PTDSS1: variants seen among roughly 807,000 people sequenced by gnomAD.
The protein encoded by PTDSS1 is PSS-1.
A neutral mutation model predicts 70.5 loss-of-function variants in PTDSS1; 45 were observed. The ratio of observed to expected loss-of-function variants is 0.64; its 90% confidence interval spans 0.50 to 0.82. PTDSS1 has a LOEUF of 0.82. PTDSS1 is among the 40% of genes least tolerant of loss of function. The pLI, the probability that PTDSS1 is intolerant of heterozygous loss-of-function variation, is 0.00. For synonymous variants in PTDSS1, 188 were observed against 203.8 expected (o/e 0.92, Z 0.66); for missense variants, 417 against 586.1 (o/e 0.71, Z 2.98).
At chr8:96,312,990 T>C (rs986537174) in intron 9 of PTDSS1, among the ~76,000 whole-genome samples, 3 of 152,210 alleles carry the variant, frequency 2.0e-5, no homozygotes, top group East Asian at 1.9e-4. Flanking sequence ...TCTCAGACTT[T>C]GGTAAGGTGG....
At chr8:96,305,136 C>A (rs1811104487) in intron 7 of PTDSS1, among the ~76,000 whole-genome samples, 1 of 152,154 alleles carries the variant, frequency 6.6e-6, no homozygotes, top group African/African-American at 2.4e-5. Context: ...TCACGGAAAG[C>A]AGAAGCTTTC....
intron 1 of PTDSS1, among the ~76,000 whole-genome samples, chr8:96,265,888 C>T (rs572568399): frequency 2.0e-5 from 3 of 152,316 alleles, no homozygotes; most frequent in East Asian, 1.9e-4. Context: ...GGCCAAGAGT[C>T]CAAGACCAAC....
At chr8:96,330,936 G>C in intron 11 of PTDSS1, 90 bp from the exon 12 acceptor site, 2 of 1,082,474 alleles carry the variant, frequency 1.8e-6, no homozygotes, top group South Asian at 2.7e-5. Flanking sequence ...GCCTGGGAGA[G>C]GCAGGGATGC....
Position 96,261,907 on chromosome 8 carries a change from T to C in PTDSS1, c.-134T>C. ...GCCCTCTCGCGCCTGTCCTTCCCTC[T>C]GCTCCCAGCCTTTGCTGGGCGCCAG... On this transcript the variant is annotated 5_prime_UTR_variant, in exon 1 of 13. Coordinates refer to ENST00000517309, the MANE Select transcript of PTDSS1 (RefSeq NM_014754.3). 1 of 967,272 alleles carries C rather than the reference T, an allele frequency of 1.0e-6. No homozygotes were observed. Among genetic ancestry groups the C allele is most frequent in the Admixed American group, 2.9e-5 (1 of 34,880 alleles). 59.9% of individuals were successfully genotyped at this position (967,272 alleles called of 1,614,324 possible).
rs576359116 is a variant in PTDSS1, at chr8:96,270,558, T to C, written c.180-2741T>C. Among the ~76,000 whole-genome samples the C allele has an allele frequency of 2.6e-5, 4 of 152,290 alleles. No individual in the cohort carries two copies. The South Asian group carries it at 8.3e-4, about 32-fold the overall frequency. ...TGTTCTAAATGAGGTGGGGACACCC[T>C]CTCTGCTCTCGAAACTCACAGTAGA... On this transcript the variant is annotated intron_variant, in intron 1 of 12. Transcript: ENST00000517309.
At chr8:96,286,965 G>C in intron 3 of PTDSS1, 57 bp from the exon 4 acceptor site, 6 of 1,601,164 alleles carry the variant, frequency 3.7e-6, no homozygotes, top group Non-Finnish European at 5.1e-6. Context: ...AATGTGTATT[G>C]TGTGTGTCTG....
At chr8:96,322,590 A>C (rs1338391162) in intron 10 of PTDSS1, among the ~76,000 whole-genome samples, 1 of 151,994 alleles carries the variant, frequency 6.6e-6, no homozygotes, top group African/African-American at 2.4e-5. Context: ...TAAAGGCCCC[A>C]CCTCCCAATA....
At chr8:96,296,418 G>A (rs971794586) in intron 5 of PTDSS1, among the ~76,000 whole-genome samples, 7 of 152,092 alleles carry the variant, frequency 4.6e-5, no homozygotes, top group East Asian at 3.9e-4. Flanking sequence ...GATTACAGGC[G>A]TGAGCCACTG....
intron 1 of PTDSS1, 106 bp from the exon 2 acceptor site, chr8:96,273,193 A>G (rs1810590573): frequency 2.8e-6 from 2 of 703,766 alleles, no homozygotes; most frequent in Non-Finnish European, 4.7e-6. Context: ...CAATCCTGTC[A>G]TACATCTGGC....
intron 2 of PTDSS1, 29 bp downstream of exon 2, chr8:96,273,419 C>G: frequency 6.6e-7 from 1 of 1,518,126 alleles, no homozygotes; most frequent in South Asian, 1.2e-5. Context: ...TACCACATTT[C>G]TCCTATATTG....
chr8:96,315,771 A>G (rs760831524), intron 9 of PTDSS1, among the ~76,000 whole-genome samples: 1 of 152,166 alleles, frequency 6.6e-6, no homozygotes, highest in Non-Finnish European at 1.5e-5. Context: ...GGATGGCATC[A>G]AAGGGAGTGG....
At chr8:96,294,449 A>C (rs940134296) in intron 4 of PTDSS1, among the ~76,000 whole-genome samples, 5 of 152,210 alleles carry the variant, frequency 3.3e-5, no homozygotes, top group Non-Finnish European at 5.9e-5. Context: ...ATAATCAAAA[A>C]CAAAGATATT....
intron 9 of PTDSS1, among the ~76,000 whole-genome samples, chr8:96,312,204 A>G (rs1811222515): frequency 6.6e-6 from 1 of 152,210 alleles, no homozygotes. Flanking sequence ...TAATCTCAGC[A>G]ATCCAGGAGG....
intron 11 of PTDSS1, chr8:96,330,697 T>C (rs994618269): frequency 5.3e-6 from 2 of 375,440 alleles, no homozygotes; most frequent in African/African-American, 4.1e-5. Flanking sequence ...GAGGATACCA[T>C]AGAAAATAGA....
At chr8:96,315,085 A>G (rs935763288) in intron 9 of PTDSS1, among the ~76,000 whole-genome samples, 52 of 152,178 alleles carry the variant, frequency 3.4e-4, no homozygotes, top group African/African-American at 9.4e-4. Context: ...TAGGAATTGT[A>G]TCTATTGTTT....
intron 4 of PTDSS1, among the ~76,000 whole-genome samples, chr8:96,288,525 C>T (rs890145419): frequency 4.0e-5 from 6 of 151,750 alleles, no homozygotes; most frequent in African/African-American, 1.5e-4. Context: ...GTGGTCTCAC[C>T]ACGTTGGCCA....
chr8:96,265,618 C>G (rs1363551450), intron 1 of PTDSS1, among the ~76,000 whole-genome samples: 1 of 151,820 alleles, frequency 6.6e-6, no homozygotes, highest in Non-Finnish European at 1.5e-5. Context: ...CAAAACAAAA[C>G]AAAAATTAGC....
rs200369557 is a variant in PTDSS1 at position 96,299,674 on chromosome 8, T to G, written c.601-20T>G. Reference sequence around the variant, plus strand: ...CCAGTTTTGTTTATTTTTCCAACCATGGGCTCTTGTGTTTCTCAGCTCTTC... The same window carrying G: ...CCAGTTTTGTTTATTTTTCCAACCAGGGGCTCTTGTGTTTCTCAGCTCTTC... On this transcript the variant is annotated intron_variant, in intron 5 of 12. Coordinates refer to ENST00000517309, the MANE Select transcript of PTDSS1 (RefSeq NM_014754.3). 160 of 1,589,416 alleles carry G rather than the reference T, an allele frequency of 1.0e-4. 1 individual carries two copies. In the East Asian group the frequency reaches 3.5e-3, roughly 35 times the overall value.
Position 96,320,321 on chromosome 8 carries a change from T to G in PTDSS1, c.1149T>G (p.Tyr383Ter). The change falls in exon 10 of 13, where the codon TAT becomes TAG. Residue 383 changes from tyrosine to a stop codon, truncating the protein, a stop_gained. Coordinates refer to ENST00000517309, the MANE Select transcript of PTDSS1 (RefSeq NM_014754.3). LOFTEE classifies it high-confidence loss of function. ...TCTTCTCTAAGACCCAAATACTCTATGTTGTGCTTTGGCTTCTTTGCGTGG... is the reference window on the plus strand; with the variant it reads ...TCTTCTCTAAGACCCAAATACTCTAGGTTGTGCTTTGGCTTCTTTGCGTGG... ...QDLFSKTQIL[Y>*]VVLWLLCVAF... The G allele has an allele frequency of 1.2e-6, 2 of 1,612,292 alleles. No homozygotes were observed. Among genetic ancestry groups the G allele is most frequent in the Non-Finnish European group, 1.7e-6 (2 of 1,178,324 alleles).
Sources: allele counts gnomAD v4.1 joint callset (sites outside exome capture counted in the v4.1 genomes callset), GRCh38; gene constraint gnomAD v4.1.1; transcripts MANE v1.5; gene names NCBI Gene and HGNC (gene_info 2026-07-23, HGNC 2026-07-21).